RABGAP1L: variants seen among roughly 807,000 people sequenced by gnomAD.
The protein encoded by RABGAP1L is rab GTPase-activating protein 1-like.
A neutral mutation model predicts 137.7 loss-of-function variants in RABGAP1L; 63 were observed. The ratio of observed to expected loss-of-function variants is 0.46; its 90% CI spans 0.37 to 0.56. The LOEUF (loss-of-function observed/expected upper bound fraction) is 0.56, where lower values mean the gene tolerates loss of function less well. Ranked by LOEUF, RABGAP1L falls within the 20% of genes least tolerant of loss-of-function variation. RABGAP1L has a pLI of 0.00. For synonymous variants in RABGAP1L, 431 were observed against 433.7 expected (o/e 0.99, Z 0.08); for missense variants, 1,095 against 1,244.0 (o/e 0.88, Z 1.80).
intron 21 of RABGAP1L, among the ~76,000 whole-genome samples, chr1:174,969,689 A>G (rs576253076): frequency 6.6e-6 from 1 of 152,386 alleles, no homozygotes; most frequent in South Asian, 2.1e-4. Flanking sequence ...GTCACCAAGA[A>G]TATGCCTGTA....
intron 20 of RABGAP1L, among the ~76,000 whole-genome samples, chr1:174,968,368 G>C (rs1239826227): frequency 2.0e-5 from 3 of 152,144 alleles, no homozygotes; most frequent in Non-Finnish European, 4.4e-5. Flanking sequence ...ACTGTTAACA[G>C]TAGCAAAGAA....
intron 13 of RABGAP1L, among the ~76,000 whole-genome samples, chr1:174,493,088 C>T (rs1660412828): frequency 6.6e-6 from 1 of 150,582 alleles, no homozygotes; most frequent in Non-Finnish European, 1.5e-5. Flanking sequence ...AGACCAGGCA[C>T]AGTGACTCAC....
intron 19 of RABGAP1L, among the ~76,000 whole-genome samples, chr1:174,896,257 G>C (rs925604479): frequency 2.6e-5 from 4 of 152,144 alleles, no homozygotes; most frequent in African/African-American, 4.8e-5. Flanking sequence ...AGAAGTGTCT[G>C]TTCATATCCT....
intron 17 of RABGAP1L, chr1:174,705,236 G>A (rs1302833441): frequency 7.4e-4 from 1 of 1,350 alleles, no homozygotes; most frequent in Non-Finnish European, 1.3e-3. Context: ...CTGGGATGGT[G>A]ACTTTCTAAA....
intron 1 of RABGAP1L, among the ~76,000 whole-genome samples, chr1:174,216,098 A>T (rs967415664): frequency 1.2e-4 from 19 of 152,310 alleles, no homozygotes; most frequent in South Asian, 2.1e-4. Context: ...GGAATAATTG[A>T]ACTCATGTAG....
At chr1:174,621,135 C>G (rs1463871047) in intron 13 of RABGAP1L, among the ~76,000 whole-genome samples, 1 of 152,114 alleles carries the variant, frequency 6.6e-6, no homozygotes, top group African/African-American at 2.4e-5. Flanking sequence ...ACCTAGGAAT[C>G]CAACTTACAA....
At chr1:174,675,478 T>G (rs1445246351) in intron 14 of RABGAP1L, among the ~76,000 whole-genome samples, 2 of 151,714 alleles carry the variant, frequency 1.3e-5, no homozygotes, top group Non-Finnish European at 2.9e-5. Context: ...ACCATGCTGT[T>G]TTGGTTACTG....
chr1:174,344,796 G>A lies in RABGAP1L; in HGVS notation c.1466-26183G>A, dbSNP rs369976652. On this transcript the variant is annotated intron_variant, in intron 11 of 25. Transcript: ENST00000681986. ...TACCAGAAGCTTTTTAACTTGATGTGATCCCTTTTGTCCATTTTTGCCTTG... is the reference window on the plus strand; with the variant it reads ...TACCAGAAGCTTTTTAACTTGATGTAATCCCTTTTGTCCATTTTTGCCTTG... Among the ~76,000 whole-genome samples, 46 of 152,304 alleles carry A rather than the reference G, an allele frequency of 3.0e-4. No homozygotes were observed. In the East Asian group the frequency reaches 7.3e-3, roughly 24 times the overall value.
chr1:174,660,566 T>G (rs543069763), intron 14 of RABGAP1L, among the ~76,000 whole-genome samples: 1 of 152,192 alleles, frequency 6.6e-6, no homozygotes, highest in Admixed American at 6.5e-5. Flanking sequence ...TGGGTTTCTT[T>G]TTCATTTAGT....
chr1:174,944,594 A>T lies in RABGAP1L; in HGVS notation c.2341-12863A>T, dbSNP rs186109242. ...CAAGGCTGAAGTGAGCTGTGATTGC[A>T]CCACTGCACTCCAGCCTGAGCAACA... On this transcript the variant is annotated intron_variant, in intron 19 of 25. Transcript: ENST00000681986. Among the ~76,000 whole-genome samples, 177 of 150,364 alleles carry T rather than the reference A, an allele frequency of 1.2e-3. 1 individual carries two copies. Among genetic ancestry groups the T allele is most frequent in the African/African-American group, 4.2e-3 (171 of 40,836 alleles).
intron 18 of RABGAP1L, among the ~76,000 whole-genome samples, chr1:174,784,548 G>A (rs999752321): frequency 8.5e-5 from 13 of 152,142 alleles, no homozygotes; most frequent in African/African-American, 3.1e-4. Context: ...CCCAGACATG[G>A]TAATGTTTTA....
chr1:174,263,615 A>C (rs1056748487), intron 7 of RABGAP1L, among the ~76,000 whole-genome samples: 5 of 152,182 alleles, frequency 3.3e-5, no homozygotes, highest in African/African-American at 4.8e-5. Flanking sequence ...AGGAAAAAAC[A>C]ACTATTATTT....
intron 13 of RABGAP1L, among the ~76,000 whole-genome samples, chr1:174,614,574 A>G (rs190753475): frequency 9.9e-5 from 15 of 152,142 alleles, no homozygotes; most frequent in African/African-American, 3.6e-4. Flanking sequence ...GCTCTTCTTG[A>G]GGAGTATCTT....
intron 13 of RABGAP1L, among the ~76,000 whole-genome samples, chr1:174,587,309 G>C (rs1669195333): frequency 9.8e-6 from 1 of 102,422 alleles, no homozygotes; most frequent in South Asian, 3.8e-4. Context: ...GGGGGGAGGG[G>C]GGAGGGATAG....
At chr1:174,341,252 G>A (rs1047056469) in intron 11 of RABGAP1L, among the ~76,000 whole-genome samples, 3 of 152,124 alleles carry the variant, frequency 2.0e-5, no homozygotes, top group African/African-American at 7.2e-5. Context: ...TCTAACTTCA[G>A]TGTGATAAGT....
intron 13 of RABGAP1L, among the ~76,000 whole-genome samples, chr1:174,505,767 C>G (rs964809495): frequency 6.6e-6 from 1 of 152,028 alleles, no homozygotes; most frequent in African/African-American, 2.4e-5. Context: ...AAAAATAGAA[C>G]CACCATAGGA....
chr1:174,696,173 G>A (rs934192240), intron 15 of RABGAP1L, among the ~76,000 whole-genome samples: 4 of 152,040 alleles, frequency 2.6e-5, no homozygotes, highest in African/African-American at 9.7e-5. Flanking sequence ...GCCCAGGATG[G>A]ATCTAGAAAT....
At chr1:174,318,432 C>A (rs58997380) in intron 11 of RABGAP1L, among the ~76,000 whole-genome samples, 5,271 of 152,066 alleles carry the variant, frequency 0.035, 119 homozygotes, top group Middle Eastern at 0.088. Flanking sequence ...TTGTAGGGAG[C>A]TATAATTGGG....
chr1:174,451,635 T>C (rs1655463107), intron 13 of RABGAP1L, among the ~76,000 whole-genome samples: 1 of 152,234 alleles, frequency 6.6e-6, no homozygotes, highest in South Asian at 2.1e-4. Context: ...GCTGCTTTCA[T>C]TTCAAAAGCC....
Sources: gnomAD v4.1 joint callset for allele counts (sites outside exome capture counted in the v4.1 genomes callset) on GRCh38, gnomAD v4.1.1 for gene constraint, MANE v1.5 for transcripts, NCBI Gene and HGNC (gene_info 2026-07-23, HGNC 2026-07-21) for gene names.